PTK2: variants seen among roughly 807,000 people sequenced by gnomAD.
PTK2 encodes the protein focal adhesion kinase 1.
PTK2 carries 45 observed loss-of-function variants against 150.1 expected under a neutral mutation model. The observed-to-expected ratio is 0.30, with a 90% CI of 0.24 to 0.38. The LOEUF (loss-of-function observed/expected upper bound fraction) is 0.38, where lower values mean the gene tolerates loss of function less well. Ranked by LOEUF, PTK2 falls within the 10% of genes least tolerant of loss-of-function variation. The probability of loss-of-function intolerance (pLI) is 1.00; values close to 1 mark genes in which losing one functional copy is unlikely to be tolerated. For synonymous variants in PTK2, 432 were observed against 449.2 expected (o/e 0.96, Z 0.48); for missense variants, 919 against 1,307.3 (o/e 0.70, Z 4.58).
At chr8:140,917,138 C>T (rs919433439) in intron 2 of PTK2, among the ~76,000 whole-genome samples, 2 of 152,138 alleles carry the variant, frequency 1.3e-5, no homozygotes, top group African/African-American at 4.8e-5. Context: ...CACCTGTAAT[C>T]CTAGCACTTT....
Position 140,901,787 on chromosome 8 carries a change from T to A in PTK2, c.-32-11018A>T, listed in dbSNP as rs369409563. Among the ~76,000 whole-genome samples the A allele has an allele frequency of 1.2e-4, 18 of 152,058 alleles. 2 individuals carry two copies. The South Asian group carries it at 3.8e-3, about 32-fold the overall frequency. ...TCATCTACATTAGGAATATTTCTCA[T>A]AACGCTATCCCTCCCCTACCCCCAA... On this transcript the variant is annotated intron_variant, in intron 2 of 31. Transcript: ENST00000522684.
chr8:140,759,682 C>T (rs145840931), intron 16 of PTK2, among the ~76,000 whole-genome samples: 36 of 151,310 alleles, frequency 2.4e-4, no homozygotes, highest in South Asian at 8.3e-4. Context: ...TGTAGAGAGA[C>T]GCTGTCTCTA....
chr8:140,714,796 CAAAAAAAAA>C (rs398010102), intron 23 of PTK2, among the ~76,000 whole-genome samples: 2 of 46,876 alleles, frequency 4.3e-5, no homozygotes, highest in South Asian at 1.5e-3. Flanking sequence ...GGCTCTGTCT[CAAAAAAAAA>C]AAAAAAAAAA....
intron 1 of PTK2, among the ~76,000 whole-genome samples, chr8:140,926,131 C>A (rs544508353): frequency 9.2e-5 from 14 of 152,328 alleles, no homozygotes; most frequent in South Asian, 6.2e-4. Flanking sequence ...CTCATGCAGT[C>A]TGGCTACAGA....
chr8:140,751,749 C>T (rs1334950853), intron 17 of PTK2, among the ~76,000 whole-genome samples: 1 of 152,138 alleles, frequency 6.6e-6, no homozygotes, highest in Non-Finnish European at 1.5e-5. Context: ...GCCTTGGCCT[C>T]CCAAAGTGCT....
Position 140,965,790 on chromosome 8 carries a change from T to C in PTK2, c.-122+35335A>G, listed in dbSNP as rs546415679. On this transcript the variant is annotated intron_variant, in intron 1 of 31. Coordinates refer to ENST00000522684, the Ensembl canonical transcript of PTK2. ...TACTTGGGAGGCTGAGACAGGAGAATCACTCGAATCCAGGAGGAAGGGGTT... is the reference window on the plus strand; with the variant it reads ...TACTTGGGAGGCTGAGACAGGAGAACCACTCGAATCCAGGAGGAAGGGGTT... Among the ~76,000 whole-genome samples, 11 of 152,204 alleles carry C rather than the reference T, an allele frequency of 7.2e-5. No individual in the cohort carries two copies. The South Asian group carries it at 2.3e-3, about 32-fold the overall frequency.
chr8:140,717,964 G>A (rs1253423486), intron 22 of PTK2: 3 of 358,494 alleles, frequency 8.4e-6, no homozygotes, highest in African/African-American at 6.1e-5. Context: ...AAGAAAAAGA[G>A]GTTGCAGAAA....
At chr8:140,701,960 C>T (rs1325396723) in intron 25 of PTK2, among the ~76,000 whole-genome samples, 1 of 151,404 alleles carries the variant, frequency 6.6e-6, no homozygotes, top group Non-Finnish European at 1.5e-5. Context: ...AACTCTGTCT[C>T]TACTAAAAAA....
exon 32 of PTK2, chr8:140,659,375 G>A (rs1184229351): frequency 1.7e-6 from 2 of 1,168,104 alleles, no homozygotes; most frequent in East Asian, 2.6e-5. Context: ...AAGTGCTGGC[G>A]ACTGAGGACA....
intron 4 of PTK2, 82 bp downstream of exon 4, chr8:140,879,389 T>C: frequency 1.5e-6 from 2 of 1,373,612 alleles, no homozygotes; most frequent in Non-Finnish European, 2.0e-6. Flanking sequence ...AAATTAAACA[T>C]ATACATTTGT....
intron 26 of PTK2, among the ~76,000 whole-genome samples, chr8:140,698,639 G>A (rs1432304524): frequency 2.6e-5 from 4 of 151,080 alleles, no homozygotes; most frequent in Admixed American, 1.3e-4. Flanking sequence ...TTTTTGAGAC[G>A]GAGTTTCACT....
At chr8:140,987,928 C>A (rs1588858413) in intron 1 of PTK2, among the ~76,000 whole-genome samples, 1 of 151,912 alleles carries the variant, frequency 6.6e-6, no homozygotes, top group African/African-American at 2.4e-5. Context: ...GCCTGTAGTT[C>A]CAGCTACTCC....
At chr8:140,816,072 C>T (rs891571669) in intron 10 of PTK2, among the ~76,000 whole-genome samples, 1 of 152,126 alleles carries the variant, frequency 6.6e-6, no homozygotes, top group African/African-American at 2.4e-5. Context: ...TTGCTGATTA[C>T]ATTATTATAC....
At chr8:140,686,918 G>A (rs1281288978) in intron 26 of PTK2, 4 of 533,334 alleles carry the variant, frequency 7.5e-6, no homozygotes, top group African/African-American at 1.9e-5. Context: ...ACTGGTACCT[G>A]CACTGGCCCA....
chr8:140,846,604 T>A, exon 6 of PTK2: 1 of 1,605,442 alleles, frequency 6.2e-7, no homozygotes, highest in Non-Finnish European at 8.5e-7. Context: ...CTTACCGTAT[T>A]TCTAGACAAC....
At chr8:140,660,597 G>T in intron 31 of PTK2, 1 of 455,154 alleles carries the variant, frequency 2.2e-6, no homozygotes, top group South Asian at 1.6e-5. Context: ...ATGGTGGTGT[G>T]CACCTGTATT....
chr8:140,846,303 G>A (rs1400861495), exon 7 of PTK2: 3 of 1,611,946 alleles, frequency 1.9e-6, no homozygotes, highest in Non-Finnish European at 8.5e-7. Context: ...GCATTGCCCC[G>A]CATCTCCCAG....
chr8:140,829,632 G>A (rs1278364718), intron 8 of PTK2, among the ~76,000 whole-genome samples: 1 of 152,098 alleles, frequency 6.6e-6, no homozygotes, highest in Non-Finnish European at 1.5e-5. Flanking sequence ...GGCTTCAGCT[G>A]ATGGGATGTA....
At chr8:140,730,416 T>G (rs2100048505) in intron 22 of PTK2, among the ~76,000 whole-genome samples, 1 of 152,160 alleles carries the variant, frequency 6.6e-6, no homozygotes, top group African/African-American at 2.4e-5. Flanking sequence ...ATTATATATA[T>G]AAAGTAAGTA....
Sources: gnomAD v4.1 joint callset for allele counts (sites outside exome capture counted in the v4.1 genomes callset) on GRCh38, gnomAD v4.1.1 for gene constraint, MANE v1.5 for transcripts, NCBI Gene and HGNC (gene_info 2026-07-23, HGNC 2026-07-21) for gene names.